The following NTRK2 variants were observed in gnomAD, a reference collection of about 807,000 sequenced individuals.
NTRK2 encodes the protein BDNF/NT-3 growth factors receptor.
In NTRK2, 13 loss-of-function variants were observed where a neutral mutation model predicts 94.5. The observed-to-expected ratio is 0.14, with a 90% CI of 0.09 to 0.22. The LOEUF (loss-of-function observed/expected upper bound fraction) is 0.22, where lower values mean the gene tolerates loss of function less well. Ranked by LOEUF, NTRK2 falls within the 10% of genes least tolerant of loss-of-function variation. The probability of loss-of-function intolerance (pLI) is 1.00; values close to 1 mark genes in which losing one functional copy is unlikely to be tolerated. For missense variants in NTRK2, 639 were observed against 1,071.2 expected, an observed-to-expected ratio of 0.60 and a Z score of 5.63; for synonymous variants, 372 against 407.4, an observed-to-expected ratio of 0.91 and a Z score of 1.05.
At chr9:84,807,251 G>T (rs1784389498) in intron 12 of NTRK2, among the ~76,000 whole-genome samples, 1 of 152,152 alleles carries the variant, frequency 6.6e-6, no homozygotes, top group Non-Finnish European at 1.5e-5. Context: ...AATTTAAATG[G>T]GTTGTGAGCC....
chr9:84,865,122 G>A (rs1374789763), intron 13 of NTRK2, among the ~76,000 whole-genome samples: 1 of 152,146 alleles, frequency 6.6e-6, no homozygotes, highest in Non-Finnish European at 1.5e-5. Context: ...GGGATGATTA[G>A]GAGTATTGGA....
At chr9:84,858,642 T>C (rs1288267600) in intron 12 of NTRK2, among the ~76,000 whole-genome samples, 1 of 152,120 alleles carries the variant, frequency 6.6e-6, no homozygotes, top group Admixed American at 6.5e-5. Context: ...TTTTCTGTGC[T>C]CACACACCCT....
chr9:84,673,210 C>T (rs1010367525), intron 2 of NTRK2, among the ~76,000 whole-genome samples: 35 of 152,146 alleles, frequency 2.3e-4, no homozygotes, highest in Non-Finnish European at 2.9e-5. Context: ...GAAAGTACTC[C>T]ATATAATTAT....
intron 12 of NTRK2, among the ~76,000 whole-genome samples, chr9:84,783,702 T>C (rs2067839885): frequency 6.6e-6 from 1 of 152,082 alleles, no homozygotes; most frequent in Non-Finnish European, 1.5e-5. Flanking sequence ...AGAAATTTTA[T>C]GTCCCAAGAT....
intron 12 of NTRK2, among the ~76,000 whole-genome samples, chr9:84,844,645 TCACTCA>T (rs1439726686): frequency 2.4e-4 from 24 of 101,720 alleles, no homozygotes; most frequent in Middle Eastern, 4.6e-3. Flanking sequence ...ATGTAATACC[TCACTCA>T]CACACACACA....
In NTRK2 at chr9:84,674,586, T is replaced by C. The variant is rs113837523; in HGVS notation, c.212+3626T>C. 2.8e-3 allele frequency among the ~76,000 whole-genome samples: 421 copies of C among 152,368 alleles called. 3 individuals carry two copies. The highest frequency in any genetic ancestry group is 9.1e-3 in the African/African-American group (379 of 41,598). ...GGGTTTTAGAACTTTGGACTGTGTC[T>C]TATATGCATTTAAGAGCCATGTATT... On this transcript the variant is annotated intron_variant, in intron 2 of 18. Transcript: ENST00000277120.
In NTRK2 at chr9:84,995,533, T is replaced by C. The variant is rs992317653; in HGVS notation, c.2173-24673T>C. 6.7e-4 allele frequency among the ~76,000 whole-genome samples: 102 copies of C among 152,070 alleles called. 1 individual carries two copies. Among genetic ancestry groups the C allele is most frequent in the Admixed American group, 2.6e-3 (40 of 15,224 alleles). On this transcript the variant is annotated intron_variant, in intron 17 of 18. Transcript: ENST00000277120. ...AAAACAGGGTGATAATGTCTGCACA[T>C]TGGAGTTGATTCTGGCCTGGGGGAT... is the stretch of plus-strand genomic sequence containing the variant.
chr9:84,964,310 A>G (rs754165011), intron 17 of NTRK2, among the ~76,000 whole-genome samples: 3 of 152,196 alleles, frequency 2.0e-5, no homozygotes, highest in Non-Finnish European at 4.4e-5. Context: ...TTTAGGGCTT[A>G]TTTCCCACTA....
At position 84,670,870 on chromosome 9, in the gene NTRK2, C is replaced by T. The variant is rs760689213; in HGVS notation, c.122C>T (p.Ser41Phe). 3.7e-6 allele frequency: 6 copies of T among 1,613,716 alleles called. No homozygotes were observed. Among genetic ancestry groups the T allele is most frequent in the South Asian group, 1.1e-5 (1 of 91,090 alleles). ...CCCACGTCCTGCAAATGCAGTGCCT[C>T]TCGGATCTGGTGCAGCGACCCTTCT... ...ACPTSCKCSA[S>F]RIWCSDPSPG... Residue 41 changes from serine (S) to phenylalanine (F), a missense_variant, in exon 2 of 19, where the codon TCT becomes TTT. Coordinates refer to ENST00000277120, the MANE Select transcript of NTRK2 (RefSeq NM_006180.6).
At chr9:84,810,857 T>C in intron 12 of NTRK2, 3 of 1,280,512 alleles carry the variant, frequency 2.3e-6, no homozygotes, top group Non-Finnish European at 3.0e-6. Context: ...CTTACAGTAG[T>C]TCAAATACAA....
At chr9:84,690,460 T>C (rs2059979938) in intron 2 of NTRK2, among the ~76,000 whole-genome samples, 1 of 152,170 alleles carries the variant, frequency 6.6e-6, no homozygotes, top group South Asian at 2.1e-4. Context: ...CATTGGAGAT[T>C]CTTCTTCAAG....
At chr9:84,732,811 G>A (rs1404613205) in intron 9 of NTRK2, among the ~76,000 whole-genome samples, 1 of 152,180 alleles carries the variant, frequency 6.6e-6, no homozygotes, top group Non-Finnish European at 1.5e-5. Context: ...CTGATGTGCC[G>A]ACTTTCTTTC....
At chr9:84,698,540 T>G (rs2131639534) in intron 2 of NTRK2, among the ~76,000 whole-genome samples, 1 of 152,298 alleles carries the variant, frequency 6.6e-6, no homozygotes, top group South Asian at 2.1e-4. Context: ...ATGTGAGAAC[T>G]TCTCTTGGAT....
intron 17 of NTRK2, among the ~76,000 whole-genome samples, chr9:85,018,396 C>T (rs970007919): frequency 5.3e-5 from 8 of 152,188 alleles, no homozygotes; most frequent in African/African-American, 1.7e-4. Context: ...TTTTCTGGCA[C>T]ATAAACAGAA....
Position 84,947,319 on chromosome 9 carries a change from C to T in NTRK2, c.1765-1143C>T, listed in dbSNP as rs2078632042. On this transcript the variant is annotated intron_variant, in intron 15 of 18. Transcript: ENST00000277120. ...GCCCTCCTGGATAATCCAGGATAAT[C>T]TCTCCACCTCAAGATCCTTAACTTA... Among the ~76,000 whole-genome samples the T allele has an allele frequency of 2.6e-5, 4 of 152,202 alleles. No homozygotes were observed. The South Asian group carries it at 8.3e-4, about 31-fold the overall frequency.
chr9:84,804,665 A>G (rs1443139230), intron 12 of NTRK2, among the ~76,000 whole-genome samples: 1 of 152,204 alleles, frequency 6.6e-6, no homozygotes, highest in African/African-American at 2.4e-5. Context: ...ATTGAGGCAC[A>G]AGATCTATGG....
At chr9:84,877,902 G>C in intron 14 of NTRK2, 1 of 1,021,410 alleles carries the variant, frequency 9.8e-7, no homozygotes, top group Non-Finnish European at 1.2e-6. Flanking sequence ...TCATATATGT[G>C]GTCTCTGTTG....
intron 17 of NTRK2, among the ~76,000 whole-genome samples, chr9:84,961,459 G>A (rs1824917919): frequency 1.3e-5 from 2 of 152,316 alleles, no homozygotes; most frequent in South Asian, 4.1e-4. Context: ...CTGCCAGGGA[G>A]AAGTCTATTA....
chr9:84,914,251 C>T (rs989492196), intron 14 of NTRK2, among the ~76,000 whole-genome samples: 2 of 151,990 alleles, frequency 1.3e-5, no homozygotes, highest in Non-Finnish European at 2.9e-5. Flanking sequence ...TTTGTAATTG[C>T]TCATTGAAGC....
Sources: allele counts gnomAD v4.1 joint callset (sites outside exome capture counted in the v4.1 genomes callset), GRCh38; gene constraint gnomAD v4.1.1; transcripts MANE v1.5; gene names NCBI Gene and HGNC (gene_info 2026-07-23, HGNC 2026-07-21).